TMC1: variants seen among roughly 807,000 people sequenced by gnomAD.
TMC1 encodes the protein transmembrane channel like 1.
In TMC1, 84 loss-of-function variants were observed where a neutral mutation model predicts 105.8. The observed-to-expected ratio is 0.79, with a 90% CI of 0.67 to 0.95. The LOEUF is 0.95. TMC1 is among the 40% of genes least tolerant of loss of function. TMC1 has a pLI of 0.00. For missense variants in TMC1, 817 were observed against 914.1 expected, an observed-to-expected ratio of 0.89 and a Z score of 1.37; for synonymous variants, 315 against 311.5, an observed-to-expected ratio of 1.01 and a Z score of -0.12.
chr9:72,672,056 C>T (rs1826133120), intron 5 of TMC1, among the ~76,000 whole-genome samples: 1 of 152,112 alleles, frequency 6.6e-6, no homozygotes, highest in Non-Finnish European at 1.5e-5. Context: ...TATTTATTTG[C>T]TTATCTTTAT....
intron 1 of TMC1, among the ~76,000 whole-genome samples, chr9:72,550,925 G>T (rs943702088): frequency 2.0e-5 from 3 of 152,144 alleles, no homozygotes; most frequent in Admixed American, 6.5e-5. Flanking sequence ...AATCACAGGG[G>T]TCCCTAGAAA....
rs141455860 is a variant in TMC1 at position 72,790,482 on chromosome 9, T to G, written c.1224+1165T>G. ...TGTAGGAACACCTCAAAGCATTTAC[T>G]AAGTTTGCTTTCAAAATGGTCTCAT... On this transcript the variant is annotated intron_variant, in intron 15 of 23. Coordinates refer to ENST00000297784, the MANE Select transcript of TMC1 (RefSeq NM_138691.3). 4.2e-3 allele frequency among the ~76,000 whole-genome samples: 643 copies of G among 152,318 alleles called. 3 individuals carry two copies. The highest frequency in any genetic ancestry group is 0.015 in the African/African-American group (613 of 41,578).
At chr9:72,557,098 G>T (rs1291823850) in intron 1 of TMC1, among the ~76,000 whole-genome samples, 14 of 151,700 alleles carry the variant, frequency 9.2e-5, no homozygotes, top group Admixed American at 7.2e-4. Flanking sequence ...AGGACAGGTG[G>T]CTTGGCTCAT....
intron 8 of TMC1, among the ~76,000 whole-genome samples, chr9:72,721,240 T>G (rs1305295414): frequency 6.6e-6 from 1 of 152,180 alleles, no homozygotes; most frequent in Non-Finnish European, 1.5e-5. Context: ...CCTCCTCCCC[T>G]TTCCTGCCTA....
At chr9:72,804,304 T>C (rs1422673110) in intron 17 of TMC1, among the ~76,000 whole-genome samples, 1 of 152,066 alleles carries the variant, frequency 6.6e-6, no homozygotes, top group Non-Finnish European at 1.5e-5. Context: ...AGGTGATGGA[T>C]TGATAGGTGC....
intron 8 of TMC1, among the ~76,000 whole-genome samples, chr9:72,731,405 A>C (rs1017588745): frequency 6.6e-6 from 1 of 152,206 alleles, no homozygotes; most frequent in Non-Finnish European, 1.5e-5. Flanking sequence ...GAGAAGCTGT[A>C]GTGTTGGCCT....
At chr9:72,523,670 G>A (rs1202922600) in intron 1 of TMC1, among the ~76,000 whole-genome samples, 1 of 152,044 alleles carries the variant, frequency 6.6e-6, no homozygotes, top group Non-Finnish European at 1.5e-5. Context: ...TCTTAGGGGT[G>A]GCAGGGATGG....
At chr9:72,768,477 GTTAA>G (rs1433911080) in intron 12 of TMC1, among the ~76,000 whole-genome samples, 2 of 152,046 alleles carry the variant, frequency 1.3e-5, no homozygotes, top group African/African-American at 2.4e-5. Flanking sequence ...ATAATAAAAA[GTTAA>G]TTAATTAAAA....
intron 5 of TMC1, among the ~76,000 whole-genome samples, chr9:72,669,801 A>G (rs1257388144): frequency 3.9e-5 from 6 of 152,158 alleles, no homozygotes. Flanking sequence ...CAGATACTGA[A>G]TTTACTCTTT....
intron 15 of TMC1, 129 bp from the exon 16 acceptor site, chr9:72,791,757 A>T (rs1041926193): frequency 2.5e-6 from 2 of 797,296 alleles, no homozygotes; most frequent in Non-Finnish European, 4.3e-6. Flanking sequence ...CTAAACGTGC[A>T]TAAAATAGTC....
chr9:72,721,916 C>T (rs1827034084), intron 8 of TMC1, among the ~76,000 whole-genome samples: 1 of 152,148 alleles, frequency 6.6e-6, no homozygotes, highest in Admixed American at 6.5e-5. Flanking sequence ...CCTTCAATGT[C>T]TCCCTAGTAA....
intron 2 of TMC1, among the ~76,000 whole-genome samples, chr9:72,607,002 T>TATATATATAGAG (rs372785242): frequency 7.4e-6 from 1 of 134,906 alleles, no homozygotes; most frequent in African/African-American, 2.8e-5. Context: ...TATATATATA[T>TATATATATAGAG]AGAGAGAGAG....
chr9:72,830,472 T>C lies in TMC1; in HGVS notation c.2151T>C (p.Asn717=). 3 of 1,613,468 alleles carry C rather than the reference T, an allele frequency of 1.9e-6. No homozygotes were observed. Among genetic ancestry groups the C allele is most frequent in the East Asian group, 4.5e-5 (2 of 44,866 alleles). ...TTAGTTTGGCCATCTATTATCTCAA[T>C]GCTACTGCCAAGGGCCAGAAGGCAG... ...LVMVLAIYYL[N]ATAKGQKAAN... is the part of the protein sequence containing the mutation. Residue 717 remains asparagine (N), a synonymous_variant, in exon 22 of 24, where the codon AAT becomes AAC. Transcript: ENST00000297784.
intron 1 of TMC1, among the ~76,000 whole-genome samples, chr9:72,554,853 C>T (rs1823905161): frequency 6.6e-6 from 1 of 152,032 alleles, no homozygotes; most frequent in Non-Finnish European, 1.5e-5. Context: ...TCCTTTATTC[C>T]TAAATATTTT....
At chr9:72,716,187 G>A (rs7038578) in intron 8 of TMC1, among the ~76,000 whole-genome samples, 30,027 of 152,222 alleles carry the variant, frequency 0.2, 3,385 homozygotes, top group African/African-American at 0.3. Context: ...CCTGTATGAG[G>A]TGTCTGTCAG....
At chr9:72,812,764 G>A (rs1300045740) in intron 18 of TMC1, among the ~76,000 whole-genome samples, 2 of 152,250 alleles carry the variant, frequency 1.3e-5, no homozygotes, top group Non-Finnish European at 2.9e-5. Context: ...TTTATGTGCA[G>A]AAGGTCAGGC....
intron 8 of TMC1, among the ~76,000 whole-genome samples, chr9:72,723,714 G>A (rs1348719165): frequency 2.6e-5 from 4 of 152,070 alleles, no homozygotes; most frequent in East Asian, 1.9e-4. Context: ...TTTTGAAAAC[G>A]TTCTCAATTG....
At chr9:72,650,592 C>T (rs1023551979) in intron 5 of TMC1, among the ~76,000 whole-genome samples, 3 of 151,878 alleles carry the variant, frequency 2.0e-5, no homozygotes, top group Middle Eastern at 3.2e-3. Context: ...TATTATTTCA[C>T]ACCCAGGTAC....
At chr9:72,638,406 C>T (rs778470407) in intron 4 of TMC1, among the ~76,000 whole-genome samples, 7 of 152,146 alleles carry the variant, frequency 4.6e-5, no homozygotes, top group Non-Finnish European at 1.0e-4. Context: ...TTTGACTATT[C>T]TAATTCCAAA....
Sources: gnomAD v4.1 joint callset for allele counts (sites outside exome capture counted in the v4.1 genomes callset) on GRCh38, gnomAD v4.1.1 for gene constraint, MANE v1.5 for transcripts, NCBI Gene and HGNC (gene_info 2026-07-23, HGNC 2026-07-21) for gene names.